Variants in TPO observed in about 807,000 individuals in gnomAD.
TPO encodes the protein thyroid microsomal antigen.
A neutral mutation model predicts 96.9 loss-of-function variants in TPO; 78 were observed. The ratio of observed to expected loss-of-function variants is 0.81; its 90% CI spans 0.67 to 0.97. The LOEUF is 0.97. Among genes scored for constraint, TPO ranks in the 50% least tolerant of loss-of-function variants. TPO has a pLI of 0.00. For missense variants in TPO, 1,252 were observed against 1,274.8 expected, an observed-to-expected ratio of 0.98 and a Z score of 0.27; for synonymous variants, 547 against 538.0, an observed-to-expected ratio of 1.02 and a Z score of -0.23.
intron 5 of TPO, chr2:1,439,075 AT>A (rs1665899144): frequency 2.0e-6 from 1 of 502,694 alleles, no homozygotes; most frequent in South Asian, 3.3e-5. Flanking sequence ...CTAAGTTTAC[AT>A]TTTAACAACC....
intron 13 of TPO, among the ~76,000 whole-genome samples, chr2:1,503,408 C>T (rs1162330747): frequency 1.3e-5 from 2 of 152,258 alleles, no homozygotes; most frequent in African/African-American, 4.8e-5. Context: ...ACAAAATGTA[C>T]AGCAGGTTAT....
chr2:1,506,621 T>G (rs1355823194), intron 14 of TPO, among the ~76,000 whole-genome samples: 3 of 152,222 alleles, frequency 2.0e-5, no homozygotes, highest in Non-Finnish European at 4.4e-5. Context: ...GATTTGCATT[T>G]CTCTGATGGC....
chr2:1,496,769 A>T lies in TPO; in HGVS notation c.2386+4A>T, dbSNP rs1558365442. The stretch of plus-strand genomic sequence containing the variant: ...TTCCAGCCTCCCCTCTGCAAAGGTC[A>T]GTCCTTTCTTCAATGACAATTACAA... On this transcript the variant is annotated splice_donor_region_variant and intron_variant, in intron 13 of 16. Coordinates refer to ENST00000329066, the MANE Select transcript of TPO (RefSeq NM_001206744.2). 6.2e-7 allele frequency: 1 copy of T among 1,614,194 alleles called. No homozygotes were observed.
At chr2:1,447,068 C>T (rs1349251190) in intron 5 of TPO, among the ~76,000 whole-genome samples, 2 of 152,136 alleles carry the variant, frequency 1.3e-5, no homozygotes, top group Non-Finnish European at 2.9e-5. Flanking sequence ...TTGACCCCTC[C>T]TGTTGGCAAG....
intron 3 of TPO, among the ~76,000 whole-genome samples, chr2:1,424,144 T>G (rs1664081644): frequency 6.6e-6 from 1 of 152,200 alleles, no homozygotes; most frequent in African/African-American, 2.4e-5. Flanking sequence ...TTTACACATC[T>G]TAGAGAGACA....
chr2:1,460,500 A>G (rs947651144), intron 7 of TPO, among the ~76,000 whole-genome samples: 3 of 152,120 alleles, frequency 2.0e-5, no homozygotes, highest in African/African-American at 7.2e-5. Context: ...CTGCGTGTAT[A>G]TAGGTTTGTT....
intron 8 of TPO, among the ~76,000 whole-genome samples, chr2:1,480,614 C>G (rs542932779): frequency 1.0e-5 from 1 of 99,290 alleles, no homozygotes; most frequent in Non-Finnish European, 2.1e-5. Context: ...ACGAGCCAGC[C>G]AGGGCCAGGC....
At chr2:1,377,672 C>T (rs754334710) in intron 1 of TPO, among the ~76,000 whole-genome samples, 8 of 152,182 alleles carry the variant, frequency 5.3e-5, no homozygotes, top group Non-Finnish European at 8.8e-5. Context: ...CTCACAGGTT[C>T]TCCTGGCCCT....
intron 14 of TPO, among the ~76,000 whole-genome samples, chr2:1,510,661 A>G (rs1558384888): frequency 6.6e-6 from 1 of 152,230 alleles, no homozygotes; most frequent in East Asian, 1.9e-4. Flanking sequence ...GAACTTGCCC[A>G]CTACCTCTCT....
Position 1,396,759 on chromosome 2 carries a change from C to T in TPO, n.180+22357C>T, listed in dbSNP as rs183749439. ...CTGTTAACAATCACGTCCAGCTGGC[C>T]CGCCTAGGACCCAAGGCAGGCTTTT... On this transcript the variant is annotated intron_variant and non_coding_transcript_variant, in intron 1 of 5. Coordinates refer to the TPO transcript ENST00000497517. 5.9e-5 allele frequency among the ~76,000 whole-genome samples: 9 copies of T among 152,262 alleles called. No homozygotes were observed. In the East Asian group the frequency reaches 1.7e-3, roughly 29 times the overall value.
At chr2:1,478,281 G>A (rs1331306888) in intron 8 of TPO, 2 of 985,324 alleles carry the variant, frequency 2.0e-6, no homozygotes, top group Admixed American at 6.1e-5. Flanking sequence ...GACTCTAGGG[G>A]TCTCACAGGT....
intron 5 of TPO, chr2:1,438,945 T>A: frequency 2.9e-6 from 2 of 695,204 alleles, no homozygotes; most frequent in Non-Finnish European, 5.3e-6. Context: ...GACGTCTACA[T>A]CCACCTGCAA....
rs1445757540 is a variant in TPO at position 1,512,119 on chromosome 2, C to T, written c.2519-4764C>T. On this transcript the variant is annotated intron_variant, in intron 14 of 16. Coordinates refer to ENST00000329066, the MANE Select transcript of TPO (RefSeq NM_001206744.2). Reference sequence around the variant, plus strand: ...CGCGATCTCAGCCCACTGCAAGCTCCACCTCCCGGGTTCACGCCATTCTCC... The same window carrying T: ...CGCGATCTCAGCCCACTGCAAGCTCTACCTCCCGGGTTCACGCCATTCTCC... 8.5e-5 allele frequency among the ~76,000 whole-genome samples: 13 copies of T among 152,176 alleles called. No individual in the cohort carries two copies. In the East Asian group the frequency reaches 1.9e-3, roughly 23 times the overall value.
intron 8 of TPO, among the ~76,000 whole-genome samples, chr2:1,482,451 C>G (rs369616491): frequency 1.3e-5 from 2 of 152,102 alleles, no homozygotes; most frequent in African/African-American, 2.4e-5. Flanking sequence ...AAGATGAGGC[C>G]TCTACATGGC....
intron 7 of TPO, among the ~76,000 whole-genome samples, chr2:1,469,293 A>G (rs940873946): frequency 6.6e-6 from 1 of 152,116 alleles, no homozygotes; most frequent in South Asian, 2.1e-4. Flanking sequence ...ATTTTGTTAT[A>G]TTACCAGAGT....
intron 9 of TPO, among the ~76,000 whole-genome samples, chr2:1,486,871 A>C (rs28911476): frequency 0.011 from 1,705 of 152,294 alleles, 35 homozygotes; most frequent in African/African-American, 0.039. Context: ...AGTCATGCAC[A>C]GTGCACCAGA....
upstream of TPO, among the ~76,000 whole-genome samples, chr2:1,411,051 C>T (rs1243220913): frequency 1.3e-5 from 2 of 152,032 alleles, no homozygotes; most frequent in African/African-American, 4.8e-5. Flanking sequence ...CGTCCCCCTG[C>T]AGAAATCTTC....
intron 5 of TPO, among the ~76,000 whole-genome samples, chr2:1,443,707 T>G (rs1268000206): frequency 8.9e-6 from 1 of 111,960 alleles, no homozygotes; most frequent in Non-Finnish European, 1.8e-5. Flanking sequence ...TGGAGCTGGC[T>G]CCTTCTTGTT....
chr2:1,478,331 C>T (rs1194078303), intron 8 of TPO: 18 of 985,428 alleles, frequency 1.8e-5, no homozygotes, highest in East Asian at 2.3e-4. Flanking sequence ...TGCGAGTCAC[C>T]GTGTGTGTCT....
Sources: allele counts gnomAD v4.1 joint callset (sites outside exome capture counted in the v4.1 genomes callset), GRCh38; gene constraint gnomAD v4.1.1; transcripts MANE v1.5; gene names NCBI Gene and HGNC (gene_info 2026-07-23, HGNC 2026-07-21).